Variants in TTBK2 observed in about 807,000 individuals in gnomAD.
TTBK2 encodes the protein tau tubulin kinase 2.
In TTBK2, 28 loss-of-function variants were observed where a neutral mutation model predicts 110.8. The observed-to-expected ratio is 0.25, with a 90% confidence interval of 0.19 to 0.35. The LOEUF (loss-of-function observed/expected upper bound fraction) is 0.35, where lower values mean the gene tolerates loss of function less well. Ranked by LOEUF, TTBK2 falls within the 10% of genes least tolerant of loss-of-function variation. The probability of loss-of-function intolerance (pLI) is 1.00; values close to 1 mark genes in which losing one functional copy is unlikely to be tolerated. For missense variants in TTBK2, 1,369 were observed against 1,500.3 expected, an observed-to-expected ratio of 0.91 and a Z score of 1.45; for synonymous variants, 532 against 527.3, an observed-to-expected ratio of 1.01 and a Z score of -0.12.
At chr15:42,768,106 C>T (rs901793748) in intron 13 of TTBK2, among the ~76,000 whole-genome samples, 5 of 152,166 alleles carry the variant, frequency 3.3e-5, no homozygotes, top group Admixed American at 6.5e-5. Flanking sequence ...ATCGATGGAA[C>T]GTATCTCAAA....
rs1300288136 is a variant in TTBK2 at position 42,742,792 on chromosome 15, T to G, written c.*3003A>C. ...TAATAGCCATGTCCCTCATCTTAGA[T>G]AGAATAACCAAATTGGTTTAAAATT... On this transcript the variant is annotated 3_prime_UTR_variant, in exon 15 of 15. Coordinates refer to ENST00000267890, the MANE Select transcript of TTBK2 (RefSeq NM_173500.4). 6.6e-6 allele frequency: 1 copy of G among 152,200 alleles called. No homozygotes were observed. The highest frequency in any genetic ancestry group is 1.5e-5 in the Non-Finnish European group (1 of 68,032). 9.4% of individuals were successfully genotyped at this position (152,200 alleles called of 1,614,324 possible). A position where few individuals can be genotyped will look rare whatever the true frequency, so the allele number is the denominator to read the frequency against.
chr15:42,848,381 A>G (rs1893554724), intron 3 of TTBK2, among the ~76,000 whole-genome samples: 1 of 152,134 alleles, frequency 6.6e-6, no homozygotes, highest in Non-Finnish European at 1.5e-5. Context: ...CATCTTTACT[A>G]TAGTGAACCT....
Position 42,783,581 on chromosome 15 carries a change from C to T in TTBK2, c.1035G>A (p.Glu345=), listed in dbSNP as rs1285251425. 1.2e-6 allele frequency: 2 copies of T among 1,614,016 alleles called. No homozygotes were observed. Among genetic ancestry groups the T allele is most frequent in the Non-Finnish European group, 1.7e-6 (2 of 1,180,040 alleles). Reference sequence around the variant, plus strand: ...CGCTAAGCTGTTCATCTGGAAATACCTCATCTGTATTTTCTCGAAGCAAGT... The same window carrying T: ...CGCTAAGCTGTTCATCTGGAAATACTTCATCTGTATTTTCTCGAAGCAAGT... The part of the protein sequence containing the change: ...PGDLLRENTD[E]VFPDEQLSDG... Residue 345 remains glutamate, a synonymous_variant, in exon 11 of 15, where the codon GAG becomes GAA. Coordinates refer to ENST00000267890, the MANE Select transcript of TTBK2 (RefSeq NM_173500.4).
At chr15:42,854,858 G>GA (rs1250587542) in intron 3 of TTBK2, among the ~76,000 whole-genome samples, 2 of 151,408 alleles carry the variant, frequency 1.3e-5, no homozygotes, top group Non-Finnish European at 2.9e-5. Context: ...TTCTTACTCA[G>GA]AAAAAAAATC....
At chr15:42,885,031 C>A (rs554321506) in intron 1 of TTBK2, among the ~76,000 whole-genome samples, 2 of 152,292 alleles carry the variant, frequency 1.3e-5, no homozygotes, top group South Asian at 4.1e-4. Flanking sequence ...CCTAACTCCA[C>A]CACCTATCCC....
rs781138681 is a variant in TTBK2, at chr15:42,752,812, C to A, written c.2434G>T (p.Val812Leu). The change falls in exon 14 of 15, where the codon GTG (valine) becomes TTG (leucine). Residue 812 changes from valine to leucine, a missense_variant. Physicochemically the swap from Val to Leu is conservative, Grantham distance 32 (BLOSUM62 1). Transcript: ENST00000267890. ...GTAGTAGCTGAGTGATCCTTTTCCACAATTACCAAATCTCCTGGGAGAGAG... is the reference window on the plus strand; with the variant it reads ...GTAGTAGCTGAGTGATCCTTTTCCAAAATTACCAAATCTCCTGGGAGAGAG... ...ISSLPGDLVI[V>L]EKDHSATTEP... is the part of the protein sequence containing the mutation. The A allele has an allele frequency of 1.9e-5, 31 of 1,614,076 alleles. No homozygotes were observed. The South Asian group carries it at 3.3e-4, about 17-fold the overall frequency.
intron 11 of TTBK2, among the ~76,000 whole-genome samples, chr15:42,782,671 T>C (rs1344107091): frequency 6.6e-6 from 1 of 152,200 alleles, no homozygotes; most frequent in Non-Finnish European, 1.5e-5. Context: ...GCACTATACA[T>C]TATAAATTCA....
In TTBK2 at chr15:42,801,667, G is replaced by T. The variant is rs746789994; in HGVS notation, c.823-6866C>A. ...TGTCCATGTCCAGGAAGCGGCTGTT[G>T]TCCATGAACAGCACCACAGATGTAT... On this transcript the variant is annotated intron_variant, in intron 9 of 14. Coordinates refer to ENST00000267890, the MANE Select transcript of TTBK2 (RefSeq NM_173500.4). The T allele has an allele frequency of 3.5e-5, 31 of 893,498 alleles. No homozygotes were observed. In the Admixed American group the frequency reaches 5.1e-4, roughly 15 times the overall value. 55.3% of individuals were successfully genotyped at this position (893,498 alleles called of 1,614,324 possible).
At chr15:42,807,435 A>G (rs1232458378) in intron 9 of TTBK2, among the ~76,000 whole-genome samples, 3 of 151,336 alleles carry the variant, frequency 2.0e-5, no homozygotes, top group Admixed American at 1.3e-4. Context: ...TATTTTTGAG[A>G]TGGAGTCTCA....
At chr15:42,813,018 T>G (rs1024295571) in intron 7 of TTBK2, among the ~76,000 whole-genome samples, 10 of 151,728 alleles carry the variant, frequency 6.6e-5, no homozygotes, top group African/African-American at 2.4e-4. Context: ...TAAGAAAGTC[T>G]AATGTATCAA....
rs766318291 is a variant in TTBK2 at position 42,817,068 on chromosome 15, T to C, written c.567A>G (p.Thr189=). ...PPRAVAGFRG[T]VRYASINAHR... ...GTGCGTTGATTGATGCATAACGAAC[T>C]GTCCCTCGAAAACCTGCCACAGCTC... Residue 189 remains threonine (T), a synonymous_variant, in exon 7 of 15, where the codon ACA becomes ACG. Coordinates refer to ENST00000267890, the MANE Select transcript of TTBK2 (RefSeq NM_173500.4). 164 of 1,608,538 alleles carry C rather than the reference T, an allele frequency of 1.0e-4. No homozygotes were observed. The highest frequency in any genetic ancestry group is 1.3e-4 in the Non-Finnish European group (158 of 1,176,752).
intron 10 of TTBK2, among the ~76,000 whole-genome samples, chr15:42,792,122 A>C (rs763783343): frequency 6.6e-6 from 1 of 152,220 alleles, no homozygotes; most frequent in Non-Finnish European, 1.5e-5. Context: ...GGACAGTGAT[A>C]GAGTGAGACT....
At chr15:42,918,311 C>T (rs541365368) in intron 1 of TTBK2, among the ~76,000 whole-genome samples, 13 of 152,148 alleles carry the variant, frequency 8.5e-5, no homozygotes, top group African/African-American at 3.1e-4. Context: ...AAGCGATCCT[C>T]CTGCCTTGGC....
Position 42,881,236 on chromosome 15 carries a change from T to C in TTBK2, c.-67-2552A>G, listed in dbSNP as rs911761037. Among the ~76,000 whole-genome samples the C allele has an allele frequency of 5.7e-5, 8 of 139,708 alleles. 1 individual carries two copies. The highest frequency in any genetic ancestry group is 8.4e-5 in the African/African-American group (3 of 35,678). 91.7% of individuals were successfully genotyped at this position (139,708 alleles called of 152,430 possible). On this transcript the variant is annotated intron_variant, in intron 1 of 14. Coordinates refer to ENST00000267890, the MANE Select transcript of TTBK2 (RefSeq NM_173500.4). ...AGGCGGAGCTTGCAGTGAGCCAAGA[T>C]TGTGCCACTGCACTCCAGCCTGGAT...
intron 3 of TTBK2, among the ~76,000 whole-genome samples, chr15:42,872,081 G>C (rs556706183): frequency 5.3e-5 from 8 of 152,090 alleles, no homozygotes; most frequent in Admixed American, 4.6e-4. Context: ...AAACAAATAG[G>C]GCCCAAGTAG....
intron 1 of TTBK2, among the ~76,000 whole-genome samples, chr15:42,894,738 A>G (rs1044437039): frequency 1.3e-5 from 2 of 152,192 alleles, no homozygotes; most frequent in Admixed American, 1.3e-4. Flanking sequence ...TGGGCAGCAG[A>G]GTGAGACCTG....
chr15:42,814,276 T>C (rs1325359643), intron 7 of TTBK2, among the ~76,000 whole-genome samples: 1 of 152,154 alleles, frequency 6.6e-6, no homozygotes, highest in African/African-American at 2.4e-5. Context: ...AAGAATTATT[T>C]ATGTTAAAAC....
At chr15:42,851,805 A>T (rs943752632) in intron 3 of TTBK2, among the ~76,000 whole-genome samples, 3 of 152,104 alleles carry the variant, frequency 2.0e-5, no homozygotes, top group Admixed American at 1.3e-4. Flanking sequence ...AGTGGGGAAG[A>T]AAGTGAGGGG....
At chr15:42,902,338 T>C (rs1213396353) in intron 1 of TTBK2, among the ~76,000 whole-genome samples, 1 of 151,340 alleles carries the variant, frequency 6.6e-6, no homozygotes, top group Non-Finnish European at 1.5e-5. Context: ...CTGACCAACA[T>C]GGTGAAACCC....
Sources: gnomAD v4.1 joint callset for allele counts (sites outside exome capture counted in the v4.1 genomes callset) on GRCh38, gnomAD v4.1.1 for gene constraint, MANE v1.5 for transcripts, NCBI Gene and HGNC (gene_info 2026-07-23, HGNC 2026-07-21) for gene names.